Variants in POLR3B observed in about 807,000 individuals in gnomAD.
POLR3B encodes RNA polymerase III subunit B.
A neutral mutation model predicts 147.4 loss-of-function variants in POLR3B; 96 were observed. The ratio of observed to expected loss-of-function variants is 0.65; its 90% CI spans 0.55 to 0.77. The LOEUF (loss-of-function observed/expected upper bound fraction) is 0.77, where lower values mean the gene tolerates loss of function less well. POLR3B is among the 30% of genes least tolerant of loss of function. POLR3B has a pLI of 0.00. For missense variants in POLR3B, 1,036 were observed against 1,413.5 expected (o/e 0.73, Z 4.28); for synonymous variants, 461 against 485.9 (o/e 0.95, Z 0.67).
At chr12:106,368,286 T>C (rs1361371783) in intron 4 of POLR3B, among the ~76,000 whole-genome samples, 2 of 151,916 alleles carry the variant, frequency 1.3e-5, no homozygotes, top group Non-Finnish European at 2.9e-5. Context: ...AAATAGTATT[T>C]AGATTCCAAG....
intron 10 of POLR3B, among the ~76,000 whole-genome samples, chr12:106,403,624 G>A (rs949393545): frequency 1.7e-4 from 26 of 152,062 alleles, no homozygotes; most frequent in Non-Finnish European, 3.4e-4. Flanking sequence ...GGAATACTAT[G>A]CAGCCATAAA....
chr12:106,398,648 G>C (rs533819301), intron 10 of POLR3B, among the ~76,000 whole-genome samples: 3 of 152,178 alleles, frequency 2.0e-5, no homozygotes, highest in Admixed American at 2.0e-4. Context: ...CCAGAGGAAC[G>C]ATCAGGCAGC....
At chr12:106,440,913 A>G (rs4964464) in intron 18 of POLR3B, among the ~76,000 whole-genome samples, 151,990 of 152,246 alleles carry the variant, frequency 1, 75,868 homozygotes, top group Middle Eastern at 1. Context: ...TATTCCATAC[A>G]TCAAATTAAT....
At chr12:106,488,741 A>C (rs2038373826) in intron 23 of POLR3B, among the ~76,000 whole-genome samples, 1 of 152,244 alleles carries the variant, frequency 6.6e-6, no homozygotes, top group South Asian at 2.1e-4. Flanking sequence ...AGCCTCTTCA[A>C]CTGTGTTATA....
Position 106,462,082 on chromosome 12 carries a change from C to T in POLR3B, c.2571-1396C>T, listed in dbSNP as rs890399883. 3.9e-5 allele frequency among the ~76,000 whole-genome samples: 6 copies of T among 152,318 alleles called. No individual in the cohort carries two copies. In the East Asian group the frequency reaches 1.2e-3, roughly 29 times the overall value. On this transcript the variant is annotated intron_variant, in intron 22 of 27. Coordinates refer to ENST00000228347, the MANE Select transcript of POLR3B (RefSeq NM_018082.6). ...TGACTCCTTTCCTTTACCTGCCACA[C>T]ACACCAATCCTGTCGTTCCTGTCAT...
chr12:106,476,899 C>T (rs995336301), intron 23 of POLR3B, among the ~76,000 whole-genome samples: 25 of 151,814 alleles, frequency 1.6e-4, no homozygotes, highest in African/African-American at 5.1e-4. Context: ...AGCTTTGTTC[C>T]GTTGCTGGTG....
rs186177849 is a variant in POLR3B at position 106,502,072 on chromosome 12, T to A, written c.3098+636T>A. 1.5e-3 allele frequency among the ~76,000 whole-genome samples: 235 copies of A among 152,314 alleles called. 1 individual carries two copies. The highest frequency in any genetic ancestry group is 5.2e-3 in the Admixed American group (80 of 15,304). On this transcript the variant is annotated intron_variant, in intron 26 of 27. Transcript: ENST00000228347. ...ACTTTTTCCAGTTGGAGATGCATAGTCGAGGGCAGTGGTTCTCAGCCAGGG... is the reference window on the plus strand; with the variant it reads ...ACTTTTTCCAGTTGGAGATGCATAGACGAGGGCAGTGGTTCTCAGCCAGGG...
chr12:106,476,942 C>G (rs2038180251), intron 23 of POLR3B, among the ~76,000 whole-genome samples: 1 of 151,802 alleles, frequency 6.6e-6, no homozygotes, highest in Admixed American at 6.5e-5. Flanking sequence ...AGGAGAGGCA[C>G]TCTGCGTTGT....
chr12:106,427,104 T>C, intron 12 of POLR3B, 93 bp from the exon 13 acceptor site: 2 of 859,858 alleles, frequency 2.3e-6, no homozygotes, highest in Non-Finnish European at 3.6e-6. Context: ...TTTCTCCATC[T>C]TATTTTTTAA....
Position 106,433,866 on chromosome 12 carries a change from T to C in POLR3B, c.1775T>C (p.Leu592Pro). The change falls in exon 16 of 28, where the codon CTA becomes CCA. Residue 592 changes from leucine to proline, a missense_variant. Transcript: ENST00000228347. The stretch of plus-strand genomic sequence containing the variant: ...TATATTTCTTCTGATGGGGGAAGGC[T>C]ATGCAGGTATATATGCAGGTTACTA... ...CVYISSDGGR[L>P]CRPYIIVKKQ... 6.2e-7 allele frequency: 1 copy of C among 1,612,896 alleles called. No homozygotes were observed. Among genetic ancestry groups the C allele is most frequent in the South Asian group, 1.1e-5 (1 of 91,034 alleles).
At chr12:106,391,061 A>T (rs969358743) in intron 9 of POLR3B, among the ~76,000 whole-genome samples, 2 of 152,240 alleles carry the variant, frequency 1.3e-5, no homozygotes, top group Non-Finnish European at 2.9e-5. Context: ...CAAAGAGAAC[A>T]AAAGAAAAGA....
At chr12:106,507,432 C>T (rs755579519) in intron 27 of POLR3B, among the ~76,000 whole-genome samples, 6 of 152,074 alleles carry the variant, frequency 3.9e-5, no homozygotes, top group East Asian at 1.9e-4. Flanking sequence ...TAGCTTGGAT[C>T]GGAGTCATTG....
intron 11 of POLR3B, 44 bp from the exon 12 acceptor site, chr12:106,410,782 A>C (rs1302175522): frequency 1.9e-6 from 3 of 1,565,090 alleles, no homozygotes; most frequent in Non-Finnish European, 2.6e-6. Context: ...GTTAAATTTT[A>C]ATGTCCATTT....
chr12:106,400,692 C>G (rs967596032), intron 10 of POLR3B, among the ~76,000 whole-genome samples: 8 of 152,220 alleles, frequency 5.3e-5, no homozygotes, highest in African/African-American at 1.9e-4. Flanking sequence ...CGCTCAACTA[C>G]ATGGAAACTG....
chr12:106,485,893 A>G (rs1257860818), intron 23 of POLR3B, among the ~76,000 whole-genome samples: 1 of 152,168 alleles, frequency 6.6e-6, no homozygotes, highest in Non-Finnish European at 1.5e-5. Flanking sequence ...CCACATTTAT[A>G]GTATTTTACT....
At chr12:106,421,192 G>T (rs1233030051) in intron 12 of POLR3B, among the ~76,000 whole-genome samples, 1 of 151,336 alleles carries the variant, frequency 6.6e-6, no homozygotes, top group African/African-American at 2.4e-5. Context: ...TCATTCTACT[G>T]ATCAAGGACT....
At chr12:106,458,280 G>A (rs1232875909) in intron 21 of POLR3B, among the ~76,000 whole-genome samples, 1 of 151,842 alleles carries the variant, frequency 6.6e-6, no homozygotes, top group Non-Finnish European at 1.5e-5. Flanking sequence ...GTGCCACCAT[G>A]CCTGGATAGT....
chr12:106,369,153 G>T (rs1423434818), intron 4 of POLR3B, 122 bp from the exon 5 acceptor site: 7 of 743,270 alleles, frequency 9.4e-6, no homozygotes, highest in Non-Finnish European at 1.7e-5. Flanking sequence ...TATTTAATTT[G>T]TCATCCTTAC....
At chr12:106,483,684 A>T (rs1231528472) in intron 23 of POLR3B, among the ~76,000 whole-genome samples, 1 of 152,106 alleles carries the variant, frequency 6.6e-6, no homozygotes, top group Non-Finnish European at 1.5e-5. Context: ...CTGTGAAGGG[A>T]GGCCCTTGCT....
Sources: gnomAD v4.1 joint callset for allele counts (sites outside exome capture counted in the v4.1 genomes callset) on GRCh38, gnomAD v4.1.1 for gene constraint, MANE v1.5 for transcripts, NCBI Gene and HGNC (gene_info 2026-07-23, HGNC 2026-07-21) for gene names.